NRXN1: variants seen among roughly 807,000 people sequenced by gnomAD.
NRXN1 encodes the protein neurexin 1.
A neutral mutation model predicts 150.9 loss-of-function variants in NRXN1; 39 were observed. The ratio of observed to expected loss-of-function variants is 0.26; its 90% CI spans 0.20 to 0.34. NRXN1 has a LOEUF of 0.34. Ranked by LOEUF, NRXN1 falls within the 10% of genes least tolerant of loss-of-function variation. The pLI is 1.00. For synonymous variants in NRXN1, 924 were observed against 757.0 expected (o/e 1.22, Z -3.62); for missense variants, 1,815 against 1,949.9 (o/e 0.93, Z 1.30).
At chr2:50,303,785 C>T (rs72874462) in intron 17 of NRXN1, among the ~76,000 whole-genome samples, 1 of 151,936 alleles carries the variant, frequency 6.6e-6, no homozygotes, top group African/African-American at 2.4e-5. Context: ...TAGGTAAAAA[C>T]AATTTCCATT....
At chr2:50,592,584 G>C (rs1277831813) in intron 8 of NRXN1, among the ~76,000 whole-genome samples, 2 of 152,170 alleles carry the variant, frequency 1.3e-5, no homozygotes, top group African/African-American at 4.8e-5. Context: ...TCTTGGCTTA[G>C]GGAGTAAAAA....
chr2:50,320,921 C>A (rs547539573), intron 17 of NRXN1, among the ~76,000 whole-genome samples: 16 of 152,168 alleles, frequency 1.1e-4, no homozygotes, highest in Non-Finnish European at 2.2e-4. Flanking sequence ...TGGCAGCACA[C>A]ACCTTCTGTC....
At chr2:50,257,982 A>C (rs2067878075) in intron 17 of NRXN1, among the ~76,000 whole-genome samples, 1 of 152,064 alleles carries the variant, frequency 6.6e-6, no homozygotes. Flanking sequence ...GTCTGAAACA[A>C]ACAATGTATA....
At chr2:50,987,798 G>C (rs893125960) in intron 2 of NRXN1, among the ~76,000 whole-genome samples, 1 of 151,916 alleles carries the variant, frequency 6.6e-6, no homozygotes, top group African/African-American at 2.4e-5. Flanking sequence ...GGATAGCTAA[G>C]TAGAGCTATT....
chr2:50,448,978 G>A (rs934264800), intron 17 of NRXN1, among the ~76,000 whole-genome samples: 1 of 152,150 alleles, frequency 6.6e-6, no homozygotes, highest in African/African-American at 2.4e-5. Context: ...AACGCCAAAT[G>A]ACTGACTCTC....
At chr2:50,638,271 A>AT (rs1301946719) in intron 5 of NRXN1, among the ~76,000 whole-genome samples, 3 of 151,976 alleles carry the variant, frequency 2.0e-5, no homozygotes, top group Non-Finnish European at 4.4e-5. Flanking sequence ...ACATATTATT[A>AT]TTTTTTTAGT....
chr2:50,107,653 A>G (rs1471071784), intron 18 of NRXN1, among the ~76,000 whole-genome samples: 1 of 151,156 alleles, frequency 6.6e-6, no homozygotes, highest in East Asian at 1.9e-4. Flanking sequence ...TACAGAGCTG[A>G]AACGGATTAA....
intron 18 of NRXN1, among the ~76,000 whole-genome samples, chr2:50,227,829 A>G (rs1435911809): frequency 1.3e-5 from 2 of 152,066 alleles, no homozygotes; most frequent in Admixed American, 1.3e-4. Flanking sequence ...GCCAGTAGCC[A>G]TATGTTGAGC....
intron 8 of NRXN1, among the ~76,000 whole-genome samples, chr2:50,587,835 T>C (rs959999196): frequency 6.6e-6 from 1 of 152,146 alleles, no homozygotes; most frequent in Non-Finnish European, 1.5e-5. Context: ...TCAATGTTGA[T>C]GGTTTGTGAA....
In NRXN1 at chr2:49,988,314, GA is replaced by G. The variant is rs74968245; in HGVS notation, c.4129-44524del. Among the ~76,000 whole-genome samples the G allele has an allele frequency of 5.9e-3, 804 of 136,544 alleles. 2 individuals carry two copies. Among genetic ancestry groups the G allele is most frequent in the African/African-American group, 0.015 (561 of 37,254 alleles). The allele number at this position is 136,544 out of a possible 152,430, so 89.6% of individuals were successfully genotyped here. Reference sequence around the variant, plus strand: ...GATAATTATTCTGACTATTCTATCAGAAAAAAAAAAAACTGTACATACTGAA... The same window carrying G: ...GATAATTATTCTGACTATTCTATCAGAAAAAAAAAAACTGTACATACTGAA... On this transcript the variant is annotated intron_variant, in intron 21 of 22. Coordinates refer to ENST00000401669, the MANE Select transcript of NRXN1 (RefSeq NM_001330078.2).
At chr2:50,508,039 C>A (rs1397622996) in intron 12 of NRXN1, among the ~76,000 whole-genome samples, 6 of 151,956 alleles carry the variant, frequency 3.9e-5, no homozygotes, top group South Asian at 2.1e-4. Flanking sequence ...AGACAGAGAA[C>A]CAAGTAAAAT....
At chr2:50,491,648 A>G (rs2091260831) in intron 15 of NRXN1, among the ~76,000 whole-genome samples, 1 of 152,178 alleles carries the variant, frequency 6.6e-6, no homozygotes, top group Non-Finnish European at 1.5e-5. Flanking sequence ...GGAGGAAGAA[A>G]GGACAAAGTA....
At chr2:51,025,828 T>C (rs1200634444) in intron 2 of NRXN1, among the ~76,000 whole-genome samples, 1 of 152,126 alleles carries the variant, frequency 6.6e-6, no homozygotes, top group Non-Finnish European at 1.5e-5. Context: ...ACCATAGAAA[T>C]GTACTGTTAA....
chr2:50,086,005 G>A (rs192225165), intron 19 of NRXN1, among the ~76,000 whole-genome samples: 1 of 152,132 alleles, frequency 6.6e-6, no homozygotes, highest in African/African-American at 2.4e-5. Context: ...AACGAGCATT[G>A]TGATCTTGAG....
At chr2:50,379,717 G>A (rs144649368) in intron 17 of NRXN1, among the ~76,000 whole-genome samples, 1 of 151,998 alleles carries the variant, frequency 6.6e-6, no homozygotes. Context: ...AAATAGAAGG[G>A]TGTAAAAAAG....
intron 17 of NRXN1, among the ~76,000 whole-genome samples, chr2:50,267,920 C>T (rs776036412): frequency 2.0e-5 from 3 of 151,932 alleles, no homozygotes; most frequent in African/African-American, 4.8e-5. Flanking sequence ...CCAGGCACAG[C>T]GGCTCACACC....
intron 5 of NRXN1, among the ~76,000 whole-genome samples, chr2:50,912,572 C>G (rs1459220423): frequency 6.6e-6 from 1 of 151,730 alleles, no homozygotes; most frequent in Non-Finnish European, 1.5e-5. Context: ...GTGAGTGAAA[C>G]ATGTGAGTAA....
intron 13 of NRXN1, among the ~76,000 whole-genome samples, chr2:50,499,580 T>A (rs1427651927): frequency 6.6e-6 from 1 of 152,162 alleles, no homozygotes; most frequent in Non-Finnish European, 1.5e-5. Flanking sequence ...AATCCTTAAT[T>A]ATTTCCAAAT....
chr2:50,981,457 CAAAA>C (rs70958635), intron 2 of NRXN1, among the ~76,000 whole-genome samples: 2 of 23,272 alleles, frequency 8.6e-5, no homozygotes, highest in Admixed American at 7.0e-4. Flanking sequence ...AACTCTATCT[CAAAA>C]AAAAAAAAAA....
Sources: allele counts gnomAD v4.1 joint callset (sites outside exome capture counted in the v4.1 genomes callset), GRCh38; gene constraint gnomAD v4.1.1; transcripts MANE v1.5; gene names NCBI Gene and HGNC (gene_info 2026-07-23, HGNC 2026-07-21).